CYREN: variants seen among roughly 807,000 people sequenced by gnomAD.
CYREN encodes cell cycle regulator of NHEJ, also known as cell cycle regulator of non-homologous end joining.
In CYREN, 7 loss-of-function variants were observed where a neutral mutation model predicts 9.7. The observed-to-expected ratio is 0.72, with a 90% CI of 0.41 to 1.36. The LOEUF (loss-of-function observed/expected upper bound fraction) is 1.36. Among genes scored for constraint, CYREN ranks in the 40% most tolerant of loss-of-function variants. The probability of loss-of-function intolerance (pLI) is 0.01; values close to 1 mark genes in which losing one functional copy is unlikely to be tolerated. For synonymous variants in CYREN, 76 were observed against 77.9 expected (o/e 0.98, Z 0.13); for missense variants, 215 against 198.1 (o/e 1.09, Z -0.51).
At chr7:135,127,220 G>A (rs549389889) in intron 2 of CYREN, among the ~76,000 whole-genome samples, 23 of 152,240 alleles carry the variant, frequency 1.5e-4, no homozygotes, top group African/African-American at 4.6e-4. Context: ...ATATGAAGAC[G>A]CTTCTCAAAA....
At chr7:135,101,333 T>C in intron 2 of CYREN, 1 of 446,820 alleles carries the variant, frequency 2.2e-6, no homozygotes, top group East Asian at 7.0e-5. Flanking sequence ...TGGTTTTCAC[T>C]ATATCATCAT....
chr7:135,133,076 C>CACACAA (rs1829012651), intron 2 of CYREN, among the ~76,000 whole-genome samples: 2 of 50,290 alleles, frequency 4.0e-5, no homozygotes, highest in Admixed American at 2.3e-4. Flanking sequence ...TGCACACACA[C>CACACAA]ACACACACAC....
At chr7:135,156,622 G>T (rs922449643) in intron 2 of CYREN, among the ~76,000 whole-genome samples, 5 of 151,972 alleles carry the variant, frequency 3.3e-5, no homozygotes, top group African/African-American at 7.2e-5. Flanking sequence ...TTAATTTTCT[G>T]ATTTCTTTGT....
chr7:135,149,536 T>TC (rs1829620731), intron 2 of CYREN, among the ~76,000 whole-genome samples: 1 of 152,212 alleles, frequency 6.6e-6, no homozygotes, highest in Non-Finnish European at 1.5e-5. Context: ...TGTCTTAGGA[T>TC]AGATTTATAA....
chr7:135,153,506 G>A (rs140576532), intron 2 of CYREN, among the ~76,000 whole-genome samples: 110 of 150,658 alleles, frequency 7.3e-4, no homozygotes, highest in African/African-American at 2.2e-3. Flanking sequence ...AGCAGATGTC[G>A]TCAAGGATGT....
At chr7:135,164,794 G>A (rs939012718), downstream of CYREN, 1 of 1,614,180 alleles carries the variant, frequency 6.2e-7, no homozygotes, top group Non-Finnish European at 8.5e-7. Flanking sequence ...CTGGCAGTGG[G>A]CTTCCTGGCT....
chr7:135,135,660 A>T (rs1829316072), intron 2 of CYREN: 1 of 155,648 alleles, frequency 6.4e-6, no homozygotes, highest in Admixed American at 6.4e-5. Flanking sequence ...GTCAACAAAC[A>T]TCATTTCCTG....
At chr7:135,136,889 G>T (rs1324316061) in intron 2 of CYREN, among the ~76,000 whole-genome samples, 1 of 152,014 alleles carries the variant, frequency 6.6e-6, no homozygotes, top group Non-Finnish European at 1.5e-5. Context: ...GTCCATAATT[G>T]CACTCCTTGT....
rs199530609 is a variant in CYREN, at chr7:135,168,781, C to T, written c.137+5G>A. ...GCAGGAGTCTTCTGACCAGAGCTGT[C>T]GCACCTTGCTGCTGCCACTGGCACT... On this transcript the variant is annotated splice_donor_5th_base_variant and intron_variant, in intron 2 of 3. Coordinates refer to ENST00000393114, the MANE Select transcript of CYREN (RefSeq NM_024033.4). 5.6e-4 allele frequency: 902 copies of T among 1,613,542 alleles called. No homozygotes were observed. Among genetic ancestry groups the T allele is most frequent in the Non-Finnish European group, 6.6e-4 (779 of 1,179,702 alleles).
intron 2 of CYREN, among the ~76,000 whole-genome samples, chr7:135,118,189 G>A (rs548735580): frequency 2.6e-5 from 4 of 151,944 alleles, no homozygotes; most frequent in South Asian, 4.2e-4. Flanking sequence ...AGCTTGAATT[G>A]GTTTCTGTTA....
chr7:135,164,863 G>A (rs1830051100), downstream of CYREN: 3 of 1,614,086 alleles, frequency 1.9e-6, no homozygotes, highest in Non-Finnish European at 2.5e-6. Flanking sequence ...GTGTGGAAGT[G>A]GGTCAGGCTC....
At chr7:135,165,174 C>G, downstream of CYREN, 1 of 648,520 alleles carries the variant, frequency 1.5e-6, no homozygotes. Context: ...AGCCAGGGCA[C>G]CTGTGACTTC....
At chr7:135,132,115 T>G (rs1828856518) in intron 2 of CYREN, among the ~76,000 whole-genome samples, 1 of 152,190 alleles carries the variant, frequency 6.6e-6, no homozygotes, top group African/African-American at 2.4e-5. Context: ...TTAATACCAA[T>G]TCTATACAAT....
intron 2 of CYREN, among the ~76,000 whole-genome samples, chr7:135,101,920 A>G (rs1156295648): frequency 6.6e-6 from 1 of 152,142 alleles, no homozygotes; most frequent in Non-Finnish European, 1.5e-5. Flanking sequence ...CATGATAGTA[A>G]ATAAGTCTCA....
intron 2 of CYREN, among the ~76,000 whole-genome samples, chr7:135,125,593 A>C (rs1827766597): frequency 6.6e-6 from 1 of 152,202 alleles, no homozygotes; most frequent in East Asian, 1.9e-4. Flanking sequence ...ACAACAAAAA[A>C]AAGAAAACTT....
intron 2 of CYREN, chr7:135,128,638 C>T: frequency 1.1e-6 from 1 of 870,758 alleles, no homozygotes; most frequent in Non-Finnish European, 1.9e-6. Flanking sequence ...ATCCCGTTTG[C>T]CTGGATGCAA....
At chr7:135,152,430 C>T (rs1829686862) in intron 2 of CYREN, among the ~76,000 whole-genome samples, 1 of 152,278 alleles carries the variant, frequency 6.6e-6, no homozygotes, top group Non-Finnish European at 1.5e-5. Flanking sequence ...CAGGCTCCAT[C>T]ATTCACTGGC....
chr7:135,167,373 G>A (rs929717711), intron 3 of CYREN: 2 of 1,115,816 alleles, frequency 1.8e-6, no homozygotes, highest in Non-Finnish European at 2.2e-6. Flanking sequence ...TCAGGAGAGG[G>A]GCAATGGCTA....
chr7:135,095,015 T>G (rs1281391773), intron 2 of CYREN, among the ~76,000 whole-genome samples: 1 of 152,186 alleles, frequency 6.6e-6, no homozygotes, highest in Non-Finnish European at 1.5e-5. Context: ...TCACAGTTCA[T>G]CAGCAGTTCA....
Sources: gnomAD v4.1 joint callset for allele counts (sites outside exome capture counted in the v4.1 genomes callset) on GRCh38, gnomAD v4.1.1 for gene constraint, MANE v1.5 for transcripts, NCBI Gene and HGNC (gene_info 2026-07-23, HGNC 2026-07-21) for gene names.